EIF4G3: variants seen among roughly 807,000 people sequenced by gnomAD.
The protein encoded by EIF4G3 is eukaryotic translation initiation factor 4 gamma 3.
In EIF4G3, 34 loss-of-function variants were observed where a neutral mutation model predicts 186.4. The observed-to-expected ratio is 0.18, with a 90% CI of 0.14 to 0.24. EIF4G3 has a LOEUF of 0.24. Among genes scored for constraint, EIF4G3 ranks in the 10% least tolerant of loss-of-function variants. EIF4G3 has a pLI of 1.00. For synonymous variants in EIF4G3, 673 were observed against 679.5 expected, an observed-to-expected ratio of 0.99 and a Z score of 0.15; for missense variants, 1,536 against 1,948.5, an observed-to-expected ratio of 0.79 and a Z score of 3.99.
At chr1:20,857,938 A>T (rs12561895) in intron 24 of EIF4G3, among the ~76,000 whole-genome samples, 143,928 of 152,298 alleles carry the variant, frequency 0.95, 68,516 homozygotes, top group Middle Eastern at 1. Context: ...TTTCAGCTGC[A>T]CAGGTGGAAA....
chr1:21,101,573 A>AAAAAAAAAAAAAAAAC (rs1300347804), intron 2 of EIF4G3, among the ~76,000 whole-genome samples: 14 of 140,242 alleles, frequency 1.0e-4, no homozygotes, highest in South Asian at 2.3e-4. Context: ...AAAAAAAAAA[A>AAAAAAAAAAAAAAAAC]AACAACAAAA....
At chr1:21,169,790 T>C (rs2097920572) in intron 2 of EIF4G3, 1 of 152,186 alleles carries the variant, frequency 6.6e-6, no homozygotes, top group Admixed American at 6.5e-5. Flanking sequence ...GAGGGCAGCT[T>C]TGAATGCTGT....
Position 21,090,205 on chromosome 1 carries a change from T to C in EIF4G3, c.-271-992A>G, listed in dbSNP as rs541606858. 3.9e-5 allele frequency among the ~76,000 whole-genome samples: 6 copies of C among 152,352 alleles called. No individual in the cohort carries two copies. The South Asian group carries it at 1.2e-3, about 32-fold the overall frequency. Reference sequence around the variant, plus strand: ...GGTATGCAATACTGAATTAAGACTCTAAGTAGAAATATAAATGTAAAAAAT... The same window carrying C: ...GGTATGCAATACTGAATTAAGACTCCAAGTAGAAATATAAATGTAAAAAAT... On this transcript the variant is annotated intron_variant, in intron 2 of 36. Transcript: ENST00000602326.
chr1:20,951,812 A>T (rs2096234995), intron 12 of EIF4G3, among the ~76,000 whole-genome samples: 1 of 152,216 alleles, frequency 6.6e-6, no homozygotes, highest in Non-Finnish European at 1.5e-5. Flanking sequence ...AGAAAAAGTA[A>T]GATGTTTAAG....
At chr1:21,151,489 T>C (rs926398765) in intron 2 of EIF4G3, among the ~76,000 whole-genome samples, 5 of 151,918 alleles carry the variant, frequency 3.3e-5, no homozygotes, top group African/African-American at 7.2e-5. Context: ...CCGCCCGCCT[T>C]GGCCTCACAA....
intron 7 of EIF4G3, among the ~76,000 whole-genome samples, chr1:20,988,767 G>A (rs1032005152): frequency 1.3e-5 from 2 of 151,906 alleles, no homozygotes; most frequent in African/African-American, 2.4e-5. Context: ...TATGGATCAA[G>A]GAGTAGTTTT....
rs560313145 is a variant in EIF4G3, at chr1:21,033,606, T to A, written c.-67+17260A>T. Reference sequence around the variant, plus strand: ...AATAAGGTTCAATTTATGAAAGATCTCACAATTAGTAAGTGATAGAACTGT... The same window carrying A: ...AATAAGGTTCAATTTATGAAAGATCACACAATTAGTAAGTGATAGAACTGT... On this transcript the variant is annotated intron_variant, in intron 4 of 36. Transcript: ENST00000602326. Among the ~76,000 whole-genome samples, 3 of 152,338 alleles carry A rather than the reference T, an allele frequency of 2.0e-5. No homozygotes were observed. The South Asian group carries it at 6.2e-4, about 32-fold the overall frequency.
At chr1:21,048,782 C>T (rs1399966581) in intron 4 of EIF4G3, among the ~76,000 whole-genome samples, 2 of 152,208 alleles carry the variant, frequency 1.3e-5, no homozygotes, top group Non-Finnish European at 2.9e-5. Context: ...CAGAAAGCCA[C>T]ACCGTGCCCT....
At chr1:21,057,712 G>A (rs906634929) in intron 3 of EIF4G3, among the ~76,000 whole-genome samples, 2 of 151,862 alleles carry the variant, frequency 1.3e-5, no homozygotes, top group Admixed American at 6.6e-5. Flanking sequence ...CAAGATTAAA[G>A]ACAAAAACAA....
chr1:20,907,809 T>C (rs1176057332), intron 14 of EIF4G3, among the ~76,000 whole-genome samples: 2 of 152,060 alleles, frequency 1.3e-5, no homozygotes, highest in Non-Finnish European at 1.5e-5. Context: ...GACATTTAGG[T>C]TGGTTCCAAG....
intron 11 of EIF4G3, among the ~76,000 whole-genome samples, chr1:20,970,543 G>A (rs2075650232): frequency 6.6e-6 from 1 of 152,156 alleles, no homozygotes; most frequent in Non-Finnish European, 1.5e-5. Context: ...AACCTGAGAG[G>A]CGGAGCTTGC....
chr1:21,176,252 C>CGCCGCCGCCGCCGCT lies in EIF4G3; in HGVS notation c.-364_-350dup. Reference sequence around the variant, plus strand: ...CCGCTGCCGCCGCCGCCGCCGCCGCCGCCGCCGCCGCCGCTGCTGCCGCCG... The same window carrying CGCCGCCGCCGCCGCT: ...CCGCTGCCGCCGCCGCCGCCGCCGCCGCCGCCGCCGCCGCTGCCGCCGCCGCCGCTGCTGCCGCCG... On this transcript the variant is annotated 5_prime_UTR_variant, in exon 2 of 37. Coordinates refer to ENST00000602326, the MANE Select transcript of EIF4G3 (RefSeq NM_001391906.1). The CGCCGCCGCCGCCGCT allele has an allele frequency of 2.6e-6, 1 of 377,744 alleles. No individual in the cohort carries two copies. The highest frequency in any genetic ancestry group is 4.4e-5 in the East Asian group (1 of 22,626). The allele number at this position is 377,744 out of a possible 1,614,324, so 23.4% of individuals were successfully genotyped here.
In EIF4G3 at chr1:21,176,826, A is replaced by G. The variant is rs1256276019; in HGVS notation, c.-560T>C. 2 of 701,238 alleles carry G rather than the reference A, an allele frequency of 2.9e-6. No individual in the cohort carries two copies. The highest frequency in any genetic ancestry group is 1.5e-5 in the South Asian group (1 of 67,572). The allele number at this position is 701,238 out of a possible 1,614,324, so 43.4% of individuals were successfully genotyped here. ...AGCGGGGCTCAGGCGATGCCGGTGG[A>G]TTTTCTTCACTCAACGAGCAGAGCA... On this transcript the variant is annotated 5_prime_UTR_variant, in exon 1 of 37. Coordinates refer to ENST00000602326, the MANE Select transcript of EIF4G3 (RefSeq NM_001391906.1).
intron 14 of EIF4G3, among the ~76,000 whole-genome samples, chr1:20,923,217 T>C (rs1216191215): frequency 1.3e-5 from 2 of 152,282 alleles, no homozygotes; most frequent in Non-Finnish European, 2.9e-5. Flanking sequence ...GATGTGCAGT[T>C]TGTTGCCCCA....
intron 14 of EIF4G3, among the ~76,000 whole-genome samples, chr1:20,923,849 A>G (rs2094673280): frequency 6.6e-6 from 1 of 150,770 alleles, no homozygotes. Context: ...CTGTCTCTCT[A>G]CAAAATTATC....
intron 6 of EIF4G3, among the ~76,000 whole-genome samples, chr1:21,000,430 T>C (rs1372899859): frequency 6.6e-6 from 1 of 151,980 alleles, no homozygotes; most frequent in Non-Finnish European, 1.5e-5. Flanking sequence ...CTTTAGCTGC[T>C]CTACAAAGCC....
At chr1:21,009,475 C>A (rs1475128612) in intron 4 of EIF4G3, among the ~76,000 whole-genome samples, 1 of 152,134 alleles carries the variant, frequency 6.6e-6, no homozygotes, top group African/African-American at 2.4e-5. Flanking sequence ...GCCACCACAT[C>A]CAGCCCCGTT....
chr1:20,988,899 G>A (rs2080210342), intron 7 of EIF4G3, among the ~76,000 whole-genome samples: 1 of 151,120 alleles, frequency 6.6e-6, no homozygotes, highest in African/African-American at 2.4e-5. Flanking sequence ...ATTCACCATT[G>A]CTGATGCCAT....
chr1:20,825,838 C>G (rs1043372504), intron 32 of EIF4G3, among the ~76,000 whole-genome samples: 1 of 152,130 alleles, frequency 6.6e-6, no homozygotes, highest in Non-Finnish European at 1.5e-5. Flanking sequence ...GTTTCAAGGG[C>G]AAGAAGCACA....
Sources: allele counts gnomAD v4.1 joint callset (sites outside exome capture counted in the v4.1 genomes callset), GRCh38; gene constraint gnomAD v4.1.1; transcripts MANE v1.5; gene names NCBI Gene and HGNC (gene_info 2026-07-23, HGNC 2026-07-21).